AGBL1: variants seen among roughly 807,000 people sequenced by gnomAD.
AGBL1 encodes cytosolic carboxypeptidase 4.
A neutral mutation model predicts 118.9 loss-of-function variants in AGBL1; 130 were observed. The observed-to-expected ratio is 1.09, with a 90% CI of 0.95 to 1.26. The LOEUF (loss-of-function observed/expected upper bound fraction) is 1.26. Ranked by LOEUF, AGBL1 falls within the 50% of genes most tolerant of loss-of-function variation. The pLI is 0.00. For synonymous variants in AGBL1, 555 were observed against 478.9 expected (o/e 1.16, Z -2.08); for missense variants, 1,584 against 1,298.1 (o/e 1.22, Z -3.38).
chr15:86,239,242 T>C (rs1361199407), intron 6 of AGBL1, among the ~76,000 whole-genome samples: 1 of 152,216 alleles, frequency 6.6e-6, no homozygotes, highest in African/African-American at 2.4e-5. Context: ...AGGCAGTCAA[T>C]TGAGAAAACA....
At chr15:86,558,538 C>G (rs1365395516) in intron 21 of AGBL1, among the ~76,000 whole-genome samples, 2 of 152,166 alleles carry the variant, frequency 1.3e-5, no homozygotes, top group African/African-American at 4.8e-5. Flanking sequence ...CAAGCACTCC[C>G]CAGAAGTCCT....
intron 21 of AGBL1, among the ~76,000 whole-genome samples, chr15:86,594,731 A>C (rs542476558): frequency 6.6e-6 from 1 of 152,348 alleles, no homozygotes; most frequent in South Asian, 2.1e-4. Context: ...TAAAATCTCA[A>C]TCATACATTG....
At position 86,199,776 on chromosome 15, in the gene AGBL1, G is replaced by T. The variant is rs180838514; in HGVS notation, c.489-25138G>T. ...CTCCATAAAAGTTTTTAAAATTTGC[G>T]TAGTGTTTATAAGGAAAATTATTTC... On this transcript the variant is annotated intron_variant, in intron 5 of 22. Coordinates refer to ENST00000614907, the MANE Select transcript of AGBL1 (RefSeq NM_001386094.1). Among the ~76,000 whole-genome samples, 70 of 152,252 alleles carry T rather than the reference G, an allele frequency of 4.6e-4. 1 individual carries two copies. Among genetic ancestry groups the T allele is most frequent in the Admixed American group, 4.1e-3 (63 of 15,288 alleles).
chr15:86,963,215 C>G (rs895604188), intron 23 of AGBL1, among the ~76,000 whole-genome samples: 3 of 151,970 alleles, frequency 2.0e-5, no homozygotes, highest in African/African-American at 7.2e-5. Flanking sequence ...TTGATTAACA[C>G]AAAACAATTT....
At chr15:86,998,403 C>G (rs184179373) in intron 24 of AGBL1, among the ~76,000 whole-genome samples, 2 of 152,186 alleles carry the variant, frequency 1.3e-5, no homozygotes, top group Admixed American at 6.5e-5. Flanking sequence ...TCAATCCAAC[C>G]AGCCCTTGAA....
At chr15:86,369,609 AT>A (rs1305162005) in intron 17 of AGBL1, among the ~76,000 whole-genome samples, 1 of 152,152 alleles carries the variant, frequency 6.6e-6, no homozygotes, top group Non-Finnish European at 1.5e-5. Flanking sequence ...AAAGTAAATT[AT>A]TTTTGGCTAA....
intron 18 of AGBL1, among the ~76,000 whole-genome samples, chr15:86,493,101 G>T (rs1471540140): frequency 1.3e-5 from 2 of 152,128 alleles, no homozygotes; most frequent in African/African-American, 4.8e-5. Context: ...GGCTGAGGCA[G>T]GAGAATTACT....
At chr15:86,472,494 A>G (rs775048368) in intron 18 of AGBL1, among the ~76,000 whole-genome samples, 16 of 152,226 alleles carry the variant, frequency 1.1e-4, no homozygotes, top group Non-Finnish European at 1.8e-4. Flanking sequence ...ACTTCCTAAC[A>G]TTATACAATT....
intron 22 of AGBL1, among the ~76,000 whole-genome samples, chr15:86,677,650 G>A (rs1035144645): frequency 2.6e-5 from 4 of 152,142 alleles, no homozygotes; most frequent in African/African-American, 9.7e-5. Flanking sequence ...AAAGCTCAGA[G>A]CTTCAGAGCT....
chr15:86,513,664 T>A (rs1163642126), intron 18 of AGBL1, among the ~76,000 whole-genome samples: 2 of 152,084 alleles, frequency 1.3e-5, no homozygotes, highest in East Asian at 1.9e-4. Flanking sequence ...ATAAGTTTTT[T>A]AAGTTTTCTC....
intron 22 of AGBL1, among the ~76,000 whole-genome samples, chr15:86,743,414 T>A (rs2077708243): frequency 6.6e-6 from 1 of 152,132 alleles, no homozygotes; most frequent in African/African-American, 2.4e-5. Context: ...TTTTCATCCT[T>A]ACAGCTTCTC....
At chr15:87,006,338 A>G (rs2081503076) in intron 24 of AGBL1, among the ~76,000 whole-genome samples, 1 of 152,000 alleles carries the variant, frequency 6.6e-6, no homozygotes, top group Non-Finnish European at 1.5e-5. Context: ...GGTGGACTCC[A>G]CTCAGTTCAA....
At chr15:86,732,189 CTTAAT>C (rs1440659067) in intron 22 of AGBL1, among the ~76,000 whole-genome samples, 1 of 152,190 alleles carries the variant, frequency 6.6e-6, no homozygotes, top group Non-Finnish European at 1.5e-5. Context: ...AATAAATAAA[CTTAAT>C]TTATTCTTTT....
chr15:86,620,152 C>T (rs188032120), intron 21 of AGBL1, among the ~76,000 whole-genome samples: 2 of 152,076 alleles, frequency 1.3e-5, no homozygotes, highest in Admixed American at 6.6e-5. Flanking sequence ...GTGTCAGGTA[C>T]GATTCCCATA....
At chr15:86,875,214 C>T (rs562735466) in intron 22 of AGBL1, among the ~76,000 whole-genome samples, 24 of 152,186 alleles carry the variant, frequency 1.6e-4, no homozygotes, top group Non-Finnish European at 3.2e-4. Flanking sequence ...TTAGGCCCCC[C>T]ACACCCTGCT....
At chr15:86,359,251 TC>T (rs1416932180) in intron 17 of AGBL1, among the ~76,000 whole-genome samples, 1 of 151,934 alleles carries the variant, frequency 6.6e-6, no homozygotes, top group Non-Finnish European at 1.5e-5. Context: ...ATCCAGTTTT[TC>T]CAATACCATT....
chr15:86,919,983 T>TACC (rs2141618191), downstream of AGBL1, among the ~76,000 whole-genome samples: 1 of 152,136 alleles, frequency 6.6e-6, no homozygotes, highest in African/African-American at 2.4e-5. Context: ...TGTACCTCAG[T>TACC]TTTACATTGC....
chr15:86,621,013 TCTC>T (rs10585127), intron 21 of AGBL1, among the ~76,000 whole-genome samples: 63,236 of 151,664 alleles, frequency 0.42, 13,866 homozygotes, highest in East Asian at 0.6. Context: ...GCATCTCTCT[TCTC>T]CTCGCTTTCC....
At chr15:86,369,676 A>T (rs936388572) in intron 17 of AGBL1, among the ~76,000 whole-genome samples, 1 of 152,158 alleles carries the variant, frequency 6.6e-6, no homozygotes, top group Non-Finnish European at 1.5e-5. Context: ...CAAGAGACAT[A>T]CTTAAGATGA....
Sources: gnomAD v4.1 joint callset for allele counts (sites outside exome capture counted in the v4.1 genomes callset) on GRCh38, gnomAD v4.1.1 for gene constraint, MANE v1.5 for transcripts, NCBI Gene and HGNC (gene_info 2026-07-23, HGNC 2026-07-21) for gene names.